FRMD5: variants seen among roughly 807,000 people sequenced by gnomAD.
The protein encoded by FRMD5 is FERM domain containing 5.
In FRMD5, 20 loss-of-function variants were observed where a neutral mutation model predicts 69.0. The ratio of observed to expected loss-of-function variants is 0.29; its 90% CI spans 0.20 to 0.42. FRMD5 has a LOEUF of 0.42. FRMD5 is among the 10% of genes least tolerant of loss of function. The pLI, the probability that FRMD5 is intolerant of heterozygous loss-of-function variation, is 1.00. For synonymous variants in FRMD5, 271 were observed against 260.1 expected, an observed-to-expected ratio of 1.04 and a Z score of -0.40; for missense variants, 595 against 708.6, an observed-to-expected ratio of 0.84 and a Z score of 1.82.
chr15:44,062,845 A>G (rs1221317054), intron 1 of FRMD5, among the ~76,000 whole-genome samples: 2 of 152,130 alleles, frequency 1.3e-5, no homozygotes, highest in Non-Finnish European at 2.9e-5. Context: ...TATAAGGAGT[A>G]TGATAAAGGT....
intron 1 of FRMD5, among the ~76,000 whole-genome samples, chr15:44,164,286 A>C (rs2077671635): frequency 6.6e-6 from 1 of 152,170 alleles, no homozygotes; most frequent in Non-Finnish European, 1.5e-5. Context: ...TTTTGTAAGC[A>C]CTTTTTTTTG....
Position 44,045,636 on chromosome 15 carries a change from C to A in FRMD5, c.103-121327G>T, listed in dbSNP as rs189276613. On this transcript the variant is annotated intron_variant, in intron 1 of 13. Coordinates refer to ENST00000417257, the MANE Select transcript of FRMD5 (RefSeq NM_032892.5). Reference sequence around the variant, plus strand: ...AATAAAACTAGTAATAAAGACTATTCTTCAATAGACAGTACACTAATATAG... The same window carrying A: ...AATAAAACTAGTAATAAAGACTATTATTCAATAGACAGTACACTAATATAG... Among the ~76,000 whole-genome samples, 479 of 152,180 alleles carry A rather than the reference C, an allele frequency of 3.1e-3. 5 individuals carry two copies. Among genetic ancestry groups the A allele is most frequent in the Admixed American group, 6.7e-3 (102 of 15,280 alleles).
intron 1 of FRMD5, among the ~76,000 whole-genome samples, chr15:44,041,863 T>G (rs1892209111): frequency 1.3e-5 from 2 of 151,700 alleles, no homozygotes; most frequent in African/African-American, 4.9e-5. Context: ...CCATCACAAT[T>G]AAAAGAACTA....
chr15:44,095,733 A>G (rs944742754), intron 1 of FRMD5, among the ~76,000 whole-genome samples: 9 of 152,104 alleles, frequency 5.9e-5, no homozygotes, highest in Non-Finnish European at 1.3e-4. Flanking sequence ...CCCTCCTGGC[A>G]TGGCCAACTG....
At chr15:43,912,022 CA>C (rs2089297867) in intron 4 of FRMD5, among the ~76,000 whole-genome samples, 1 of 152,182 alleles carries the variant, frequency 6.6e-6, no homozygotes. Flanking sequence ...GCCCACATAT[CA>C]GGGGTATCAG....
At chr15:43,989,434 C>A in intron 1 of FRMD5, 1 of 791,862 alleles carries the variant, frequency 1.3e-6, no homozygotes, top group Non-Finnish European at 2.3e-6. Flanking sequence ...CTGCTTTTGC[C>A]GATGATGATG....
intron 1 of FRMD5, among the ~76,000 whole-genome samples, chr15:44,191,908 T>TAC (rs2078201033): frequency 8.6e-4 from 1 of 1,166 alleles, no homozygotes; most frequent in Non-Finnish European, 1.5e-3. Context: ...TATATATATA[T>TAC]ATATATATAT....
chr15:44,022,862 T>C (rs12439424), intron 1 of FRMD5, among the ~76,000 whole-genome samples: 4 of 152,164 alleles, frequency 2.6e-5, no homozygotes, highest in Admixed American at 6.5e-5. Flanking sequence ...CATACCGTTT[T>C]TCATATAGTC....
In FRMD5 at chr15:44,171,747, G is replaced by T. The variant is rs146401697; in HGVS notation, c.102+23206C>A. On this transcript the variant is annotated intron_variant, in intron 1 of 13. Transcript: ENST00000417257. ...ATGACCCTAGAATGTCATTATTAGA[G>T]AAAGTATGCCTTTGGTCAGTATCTG... is the stretch of plus-strand genomic sequence containing the variant. Among the ~76,000 whole-genome samples the T allele has an allele frequency of 3.1e-3, 477 of 152,242 alleles. 3 individuals are homozygous for T. Among genetic ancestry groups the T allele is most frequent in the African/African-American group, 0.011 (446 of 41,532 alleles).
chr15:44,151,396 C>CAA (rs75229422), intron 1 of FRMD5, among the ~76,000 whole-genome samples: 2 of 58,512 alleles, frequency 3.4e-5, no homozygotes, highest in East Asian at 5.2e-4. Flanking sequence ...GACTCCATCT[C>CAA]AAAAAAAAAA....
At chr15:44,132,876 G>A (rs1276017496) in intron 1 of FRMD5, among the ~76,000 whole-genome samples, 1 of 151,750 alleles carries the variant, frequency 6.6e-6, no homozygotes, top group African/African-American at 2.4e-5. Flanking sequence ...TCCTGCCTCA[G>A]CCTTGCCTCC....
At chr15:43,952,074 A>G (rs2140514916) in intron 1 of FRMD5, among the ~76,000 whole-genome samples, 1 of 150,138 alleles carries the variant, frequency 6.7e-6, no homozygotes, top group African/African-American at 2.4e-5. Flanking sequence ...ACTGCCATAG[A>G]CTGTCCCATC....
chr15:43,953,564 C>T (rs1357354953), intron 1 of FRMD5, among the ~76,000 whole-genome samples: 6 of 152,208 alleles, frequency 3.9e-5, no homozygotes, highest in Non-Finnish European at 5.9e-5. Flanking sequence ...CAGACCATAT[C>T]GCTCACTAAG....
rs2089544312 is a variant in FRMD5, at chr15:43,924,293, T to C, written c.119A>G (p.Gln40Arg). The C allele has an allele frequency of 6.2e-7, 1 of 1,613,754 alleles. No individual in the cohort carries two copies. The highest frequency in any genetic ancestry group is 1.7e-5 in the Admixed American group (1 of 60,004). ...GTGGCAAAGAAGGTCAAACAGGTACTGGCCTTTGGCATCTCTCTGCAAAGA... is the reference window on the plus strand; with the variant it reads ...GTGGCAAAGAAGGTCAAACAGGTACCGGCCTTTGGCATCTCTCTGCAAAGA... ...TCTIQRDAKGQYLFDLLCHHL... is the reference protein window; with the variant it reads ...TCTIQRDAKGRYLFDLLCHHL... The change falls in exon 2 of 14, where the codon CAG becomes CGG. Residue 40 changes from glutamine to arginine, a missense_variant. Around this residue, in one of 5 missense-constraint regions of FRMD5, gnomAD observed 79 missense variants for 139.9 expected, o/e 0.56. Coordinates refer to ENST00000417257, the MANE Select transcript of FRMD5 (RefSeq NM_032892.5).
At chr15:44,156,888 G>A (rs1285857863) in intron 1 of FRMD5, among the ~76,000 whole-genome samples, 3 of 152,068 alleles carry the variant, frequency 2.0e-5, no homozygotes, top group African/African-American at 7.2e-5. Context: ...GCAACATAGA[G>A]AGATTTTGTC....
At chr15:44,003,643 AT>A (rs1295605228) in intron 1 of FRMD5, among the ~76,000 whole-genome samples, 1 of 152,102 alleles carries the variant, frequency 6.6e-6, no homozygotes, top group Non-Finnish European at 1.5e-5. Context: ...AGAAATGATT[AT>A]TTTACTTCCT....
At chr15:43,925,634 A>G (rs1445855514) in intron 1 of FRMD5, among the ~76,000 whole-genome samples, 1 of 152,238 alleles carries the variant, frequency 6.6e-6, no homozygotes, top group Non-Finnish European at 1.5e-5. Flanking sequence ...GAATAAAATG[A>G]AAACTCTGAT....
chr15:43,979,978 A>G (rs1019819743), intron 1 of FRMD5, among the ~76,000 whole-genome samples: 3 of 152,246 alleles, frequency 2.0e-5, no homozygotes, highest in African/African-American at 7.2e-5. Context: ...AGGAACCAAG[A>G]CATATTAGAT....
intron 1 of FRMD5, among the ~76,000 whole-genome samples, chr15:43,958,456 A>C (rs866777770): frequency 2.3e-4 from 35 of 152,168 alleles, no homozygotes; most frequent in African/African-American, 8.0e-4. Flanking sequence ...ACAAGGTCTC[A>C]CTCTGTCGCC....
Sources: allele counts gnomAD v4.1 joint callset (sites outside exome capture counted in the v4.1 genomes callset), GRCh38; gene constraint gnomAD v4.1.1; regional missense constraint gnomAD v4.1.1; transcripts MANE v1.5; gene names NCBI Gene and HGNC (gene_info 2026-07-23, HGNC 2026-07-21).